The following GSK3B variants were observed in gnomAD, a reference collection of about 807,000 sequenced individuals.
The protein encoded by GSK3B is glycogen synthase kinase-3 beta.
GSK3B carries 15 observed loss-of-function variants against 56.4 expected under a neutral mutation model. That is an observed-to-expected ratio of 0.27 (90% CI 0.18 to 0.41). The LOEUF (loss-of-function observed/expected upper bound fraction) is 0.41. Ranked by LOEUF, GSK3B falls within the 10% of genes least tolerant of loss-of-function variation. GSK3B has a pLI of 1.00. For synonymous variants in GSK3B, 181 were observed against 188.9 expected (o/e 0.96, Z 0.34); for missense variants, 300 against 513.4 (o/e 0.58, Z 4.02).
intron 2 of GSK3B, among the ~76,000 whole-genome samples, chr3:119,971,970 T>C (rs1315461638): frequency 6.6e-6 from 1 of 152,190 alleles, no homozygotes; most frequent in Non-Finnish European, 1.5e-5. Flanking sequence ...ATTAAACTTA[T>C]TTTCTTAACT....
intron 9 of GSK3B, among the ~76,000 whole-genome samples, chr3:119,855,724 C>CAAGGACAGAAAACCA (rs1480175740): frequency 2.5e-4 from 38 of 151,708 alleles, no homozygotes; most frequent in African/African-American, 8.7e-4. Flanking sequence ...CAAACTATCG[C>CAAGGACAGAAAACCA]AAGGACAGAA....
chr3:120,020,283 G>A (rs1280346796), intron 1 of GSK3B, among the ~76,000 whole-genome samples: 1 of 152,184 alleles, frequency 6.6e-6, no homozygotes, highest in East Asian at 1.9e-4. Flanking sequence ...TAATGATGCT[G>A]TTTATAGTTA....
chr3:119,843,237 G>A lies in GSK3B; in HGVS notation c.1195+18C>T, dbSNP rs2055803388. The A allele has an allele frequency of 6.5e-7, 1 of 1,527,378 alleles. No individual in the cohort carries two copies. The highest frequency in any genetic ancestry group is 9.0e-7 in the Non-Finnish European group (1 of 1,105,478). The allele number at this position is 1,527,378 out of a possible 1,614,324, so 94.6% of individuals were successfully genotyped here. ...GCCCAGAATATGTTTTTATAGAAGA[G>A]ACTTAGAACGTTCTTACCTGACGCT... On this transcript the variant is annotated intron_variant, in intron 10 of 10. Transcript: ENST00000264235.
chr3:119,873,454 A>C (rs1284397923), intron 8 of GSK3B, among the ~76,000 whole-genome samples: 1 of 152,070 alleles, frequency 6.6e-6, no homozygotes, highest in Non-Finnish European at 1.5e-5. Flanking sequence ...GAAGACAGCA[A>C]CAAAGGTAAA....
At chr3:119,856,176 A>G (rs1417040119) in intron 9 of GSK3B, among the ~76,000 whole-genome samples, 1 of 152,024 alleles carries the variant, frequency 6.6e-6, no homozygotes, top group Non-Finnish European at 1.5e-5. Context: ...TAATCCAACA[A>G]TCTCATTTAT....
chr3:119,969,397 A>G (rs1292699699), intron 2 of GSK3B, among the ~76,000 whole-genome samples: 1 of 152,298 alleles, frequency 6.6e-6, no homozygotes, highest in East Asian at 1.9e-4. Flanking sequence ...GGATAAGAAC[A>G]CTCAATATTA....
At chr3:120,024,436 T>G (rs1009113983) in intron 1 of GSK3B, among the ~76,000 whole-genome samples, 36 of 152,232 alleles carry the variant, frequency 2.4e-4, no homozygotes, top group African/African-American at 8.7e-4. Flanking sequence ...CTGTCCAGTC[T>G]ACACACATAC....
chr3:119,850,213 C>T (rs752635586), intron 9 of GSK3B, among the ~76,000 whole-genome samples: 3 of 151,824 alleles, frequency 2.0e-5, no homozygotes, highest in Non-Finnish European at 2.9e-5. Context: ...CCCAAAGACA[C>T]GGAGTGCGGG....
chr3:119,921,764 T>G (rs2056841801), intron 4 of GSK3B, among the ~76,000 whole-genome samples: 1 of 152,216 alleles, frequency 6.6e-6, no homozygotes, highest in South Asian at 2.1e-4. Flanking sequence ...TAGGCAAATA[T>G]AAACTGGGTA....
At chr3:119,988,411 T>C (rs2057535460) in intron 2 of GSK3B, among the ~76,000 whole-genome samples, 1 of 152,248 alleles carries the variant, frequency 6.6e-6, no homozygotes, top group Non-Finnish European at 1.5e-5. Flanking sequence ...CTGTGAGTAT[T>C]CTTAAGTTAC....
At chr3:119,966,252 A>T (rs1011449135) in intron 2 of GSK3B, among the ~76,000 whole-genome samples, 7 of 152,228 alleles carry the variant, frequency 4.6e-5, no homozygotes, top group Non-Finnish European at 8.8e-5. Flanking sequence ...GAAGTAGCTT[A>T]TTCAGATAAA....
At chr3:120,025,502 G>A (rs2057915201) in intron 1 of GSK3B, among the ~76,000 whole-genome samples, 1 of 152,178 alleles carries the variant, frequency 6.6e-6, no homozygotes, top group Non-Finnish European at 1.5e-5. Flanking sequence ...TTCTGGAGAA[G>A]ATAGCAAATA....
intron 7 of GSK3B, among the ~76,000 whole-genome samples, chr3:119,887,005 TA>T (rs1353537977): frequency 6.6e-6 from 1 of 151,950 alleles, no homozygotes; most frequent in Non-Finnish European, 1.5e-5. Context: ...GAATCTAAAA[TA>T]AAAGTTGGAA....
At chr3:119,869,379 G>A (rs920692842) in intron 8 of GSK3B, among the ~76,000 whole-genome samples, 16 of 152,076 alleles carry the variant, frequency 1.1e-4, no homozygotes, top group Admixed American at 8.5e-4. Context: ...AACTTTCAGA[G>A]TCCTCCTCCC....
chr3:119,933,864 G>A (rs1229588522), intron 3 of GSK3B, among the ~76,000 whole-genome samples: 3 of 152,038 alleles, frequency 2.0e-5, no homozygotes, highest in Non-Finnish European at 2.9e-5. Flanking sequence ...TAGGCAGAGC[G>A]AGACTCCTTC....
rs564397842 is a variant in GSK3B, at chr3:120,034,885, G to C, written c.89-32646C>G. ...AGGCCAAGTAGGGCAGATCACTTGA[G>C]GTCAGGAGCTCATGACCACAACATG... is the stretch of plus-strand genomic sequence containing the variant. On this transcript the variant is annotated intron_variant, in intron 1 of 10. Transcript: ENST00000264235. 4.6e-5 allele frequency among the ~76,000 whole-genome samples: 7 copies of C among 152,194 alleles called. No individual in the cohort carries two copies. In the South Asian group the frequency reaches 1.0e-3, roughly 23 times the overall value.
At chr3:119,907,833 A>G (rs1484146119) in intron 6 of GSK3B, among the ~76,000 whole-genome samples, 2 of 152,184 alleles carry the variant, frequency 1.3e-5, no homozygotes, top group East Asian at 3.8e-4. Flanking sequence ...TCAATTCCCA[A>G]TCAAAACACC....
Position 119,923,360 on chromosome 3 carries a change from T to C in GSK3B, c.477+13A>G. On this transcript the variant is annotated intron_variant, in intron 4 of 10. Transcript: ENST00000264235. The stretch of plus-strand genomic sequence containing the variant: ...TGTTTTCTAAAATGGAAAATTGTTA[T>C]GTTTTTACATACCTTGACATAAATC... The C allele has an allele frequency of 3.6e-6, 5 of 1,374,082 alleles. No individual in the cohort carries two copies. The highest frequency in any genetic ancestry group is 1.7e-5 in the Admixed American group (1 of 57,840). 85.1% of individuals were successfully genotyped at this position (1,374,082 alleles called of 1,614,324 possible).
intron 7 of GSK3B, 135 bp from the exon 8 acceptor site, chr3:119,876,643 T>TGC: frequency 1.6e-6 from 1 of 618,150 alleles, no homozygotes; most frequent in Non-Finnish European, 2.9e-6. Flanking sequence ...AATAGAGCAG[T>TGC]GCCATGATTT....
Sources: allele counts gnomAD v4.1 joint callset (sites outside exome capture counted in the v4.1 genomes callset), GRCh38; gene constraint gnomAD v4.1.1; transcripts MANE v1.5; gene names NCBI Gene and HGNC (gene_info 2026-07-23, HGNC 2026-07-21).